The following IMMP2L variants were observed in gnomAD, a reference collection of about 807,000 sequenced individuals.
IMMP2L encodes inner mitochondrial membrane peptidase subunit 2.
IMMP2L carries 18 observed loss-of-function variants against 19.3 expected under a neutral mutation model. That is an observed-to-expected ratio of 0.93 (90% CI 0.64 to 1.38). IMMP2L has a LOEUF of 1.38. Among genes scored for constraint, IMMP2L ranks in the 40% most tolerant of loss-of-function variants. The probability of loss-of-function intolerance (pLI) is 0.00; values close to 1 mark genes in which losing one functional copy is unlikely to be tolerated. For synonymous variants in IMMP2L, 76 were observed against 73.0 expected, an observed-to-expected ratio of 1.04 and a Z score of -0.21; for missense variants, 233 against 218.2, an observed-to-expected ratio of 1.07 and a Z score of -0.43.
intron 3 of IMMP2L, among the ~76,000 whole-genome samples, chr7:111,404,556 C>T (rs146349753): frequency 0.011 from 1,598 of 152,026 alleles, 31 homozygotes; most frequent in African/African-American, 0.035. Flanking sequence ...CAACAGTTCA[C>T]GGAAAACTCA....
At chr7:111,470,922 A>C (rs1476003799) in intron 3 of IMMP2L, among the ~76,000 whole-genome samples, 2 of 151,692 alleles carry the variant, frequency 1.3e-5, no homozygotes, top group Non-Finnish European at 2.9e-5. Flanking sequence ...AGGGCCAAAA[A>C]AGGAACCAGC....
intron 4 of IMMP2L, among the ~76,000 whole-genome samples, chr7:110,940,401 T>C (rs1381665224): frequency 1.3e-5 from 2 of 152,032 alleles, no homozygotes; most frequent in Non-Finnish European, 1.5e-5. Context: ...TATTTGATGG[T>C]TATTCATTAG....
intron 3 of IMMP2L, among the ~76,000 whole-genome samples, chr7:111,237,663 C>A (rs1814492782): frequency 6.6e-6 from 1 of 151,452 alleles, no homozygotes; most frequent in Non-Finnish European, 1.5e-5. Flanking sequence ...GAAATTACAC[C>A]TTATAAATGT....
chr7:111,092,472 T>G (rs1176858789), intron 3 of IMMP2L, among the ~76,000 whole-genome samples: 1 of 152,168 alleles, frequency 6.6e-6, no homozygotes, highest in Admixed American at 6.6e-5. Flanking sequence ...GCTATGAATA[T>G]GAGTAGAACC....
intron 3 of IMMP2L, among the ~76,000 whole-genome samples, chr7:111,217,129 C>A (rs1812032059): frequency 1.4e-5 from 2 of 140,440 alleles, no homozygotes. Flanking sequence ...CTCTCTCTCA[C>A]ACACACACAC....
intron 3 of IMMP2L, among the ~76,000 whole-genome samples, chr7:111,367,328 GAC>G (rs1222922910): frequency 6.6e-6 from 1 of 151,680 alleles, no homozygotes; most frequent in African/African-American, 2.4e-5. Context: ...AGCACAAAAG[GAC>G]ATACGCTAAT....
chr7:110,836,479 C>A (rs1804487570), intron 5 of IMMP2L, among the ~76,000 whole-genome samples: 1 of 152,090 alleles, frequency 6.6e-6, no homozygotes, highest in South Asian at 2.1e-4. Context: ...AGGGGAGTTT[C>A]TCTGTACAAG....
At chr7:111,498,767 T>C (rs1036863807) in intron 2 of IMMP2L, among the ~76,000 whole-genome samples, 1 of 152,042 alleles carries the variant, frequency 6.6e-6, no homozygotes, top group Non-Finnish European at 1.5e-5. Context: ...TTGAACCTGA[T>C]GCTGCATTAT....
At chr7:110,698,189 T>C (rs987851323) in intron 5 of IMMP2L, among the ~76,000 whole-genome samples, 4 of 152,148 alleles carry the variant, frequency 2.6e-5, no homozygotes, top group African/African-American at 9.7e-5. Flanking sequence ...TCACTGACTA[T>C]GTACTAGCAG....
chr7:110,669,089 GTATA>G (rs746970601), intron 5 of IMMP2L, among the ~76,000 whole-genome samples: 6 of 139,976 alleles, frequency 4.3e-5, no homozygotes, highest in Admixed American at 2.2e-4. Flanking sequence ...GTGTGTGTGT[GTATA>G]TGTATATATA....
At chr7:111,336,742 A>AAAAT (rs1826457225) in intron 3 of IMMP2L, among the ~76,000 whole-genome samples, 1 of 151,962 alleles carries the variant, frequency 6.6e-6, no homozygotes, top group Non-Finnish European at 1.5e-5. Context: ...CACTTATTTT[A>AAAAT]TAGTATTGAT....
At chr7:110,949,302 G>A (rs941791711) in intron 4 of IMMP2L, among the ~76,000 whole-genome samples, 2 of 152,068 alleles carry the variant, frequency 1.3e-5, no homozygotes, top group African/African-American at 4.8e-5. Context: ...TACCCATGTG[G>A]TTTCTAGCAA....
At chr7:111,333,152 G>A (rs1826041367) in intron 3 of IMMP2L, among the ~76,000 whole-genome samples, 1 of 152,134 alleles carries the variant, frequency 6.6e-6, no homozygotes, top group South Asian at 2.1e-4. Context: ...AATACAGAAT[G>A]GGTAGTAGAA....
At chr7:110,747,684 G>A (rs4730459) in intron 5 of IMMP2L, among the ~76,000 whole-genome samples, 20 of 152,102 alleles carry the variant, frequency 1.3e-4, no homozygotes, top group African/African-American at 4.6e-4. Context: ...AAAAGCCTTC[G>A]AAAAAATTCA....
intron 3 of IMMP2L, among the ~76,000 whole-genome samples, chr7:111,006,353 A>G (rs949619054): frequency 3.3e-5 from 5 of 152,096 alleles, no homozygotes; most frequent in African/African-American, 1.2e-4. Flanking sequence ...ATATCATATT[A>G]TTTGGCCTCT....
intron 5 of IMMP2L, among the ~76,000 whole-genome samples, chr7:110,842,621 A>G (rs1238095489): frequency 6.6e-6 from 1 of 152,204 alleles, no homozygotes; most frequent in African/African-American, 2.4e-5. Context: ...TCAGGAAGAC[A>G]AAATAGGTAA....
intron 4 of IMMP2L, among the ~76,000 whole-genome samples, chr7:110,890,806 A>C (rs1381400724): frequency 6.6e-6 from 1 of 152,196 alleles, no homozygotes; most frequent in Admixed American, 6.5e-5. Context: ...TAGGTCTTAT[A>C]AATGGAATAA....
chr7:110,854,934 A>C (rs758275497), intron 5 of IMMP2L, among the ~76,000 whole-genome samples: 8 of 151,978 alleles, frequency 5.3e-5, no homozygotes, highest in Non-Finnish European at 5.9e-5. Flanking sequence ...AAATGAAAAT[A>C]AAGCTTCTAG....
At chr7:111,065,815 C>T (rs1794436082) in intron 3 of IMMP2L, among the ~76,000 whole-genome samples, 1 of 152,002 alleles carries the variant, frequency 6.6e-6, no homozygotes, top group Non-Finnish European at 1.5e-5. Flanking sequence ...ATTGTGGGAC[C>T]TTGTAAGATA....
Sources: gnomAD v4.1 joint callset for allele counts (sites outside exome capture counted in the v4.1 genomes callset) on GRCh38, gnomAD v4.1.1 for gene constraint, MANE v1.5 for transcripts, NCBI Gene and HGNC (gene_info 2026-07-23, HGNC 2026-07-21) for gene names.